The following SNX29 variants were observed in gnomAD, a reference collection of about 807,000 sequenced individuals.
SNX29 encodes sorting nexin 29, also known as sorting nexin-29.
A neutral mutation model predicts 102.1 loss-of-function variants in SNX29; 78 were observed. That is an observed-to-expected ratio of 0.76 (90% CI 0.64 to 0.92). SNX29 has a LOEUF of 0.92. Among genes scored for constraint, SNX29 ranks in the 40% least tolerant of loss-of-function variants. SNX29 has a pLI of 0.00. For synonymous variants in SNX29, 580 were observed against 414.5 expected, an observed-to-expected ratio of 1.40 and a Z score of -4.85; for missense variants, 1,280 against 1,061.7, an observed-to-expected ratio of 1.21 and a Z score of -2.86.
intron 20 of SNX29, among the ~76,000 whole-genome samples, chr16:12,563,505 C>G (rs2078847967): frequency 6.6e-6 from 1 of 152,186 alleles, no homozygotes. Flanking sequence ...AACGGGGAGA[C>G]TCCTCCCCGC....
intron 15 of SNX29, among the ~76,000 whole-genome samples, chr16:12,327,545 C>T (rs531368450): frequency 5.9e-5 from 9 of 152,206 alleles, no homozygotes; most frequent in Admixed American, 2.6e-4. Flanking sequence ...GATTAACAGT[C>T]GTGTTGGGTT....
At chr16:12,568,148 T>G (rs1598123634) in intron 20 of SNX29, among the ~76,000 whole-genome samples, 1 of 152,156 alleles carries the variant, frequency 6.6e-6, no homozygotes, top group Non-Finnish European at 1.5e-5. Flanking sequence ...TGCCTTGGAC[T>G]TAGAAGCGTA....
chr16:12,483,779 T>C (rs983327740), intron 19 of SNX29, among the ~76,000 whole-genome samples: 4 of 152,214 alleles, frequency 2.6e-5, no homozygotes, highest in Non-Finnish European at 5.9e-5. Flanking sequence ...TCCAGGCTGC[T>C]GGAGGCTCCA....
intron 11 of SNX29, among the ~76,000 whole-genome samples, chr16:12,122,082 C>T (rs1254764789): frequency 6.6e-6 from 1 of 152,192 alleles, no homozygotes; most frequent in African/African-American, 2.4e-5. Flanking sequence ...TCCCAAAGTG[C>T]TGGCATCACA....
chr16:12,143,159 G>A (rs879564719), intron 13 of SNX29, among the ~76,000 whole-genome samples: 6 of 151,892 alleles, frequency 4.0e-5, no homozygotes, highest in Non-Finnish European at 7.4e-5. Flanking sequence ...CACCATGCCC[G>A]GCTAATTTTT....
intron 14 of SNX29, among the ~76,000 whole-genome samples, chr16:12,254,525 CA>C (rs960426962): frequency 2.0e-5 from 3 of 152,136 alleles, no homozygotes; most frequent in African/African-American, 4.8e-5. Context: ...CCTGTAATCC[CA>C]GCTACTCGGG....
At chr16:12,023,704 C>T (rs2057099969) in intron 3 of SNX29, among the ~76,000 whole-genome samples, 1 of 152,094 alleles carries the variant, frequency 6.6e-6, no homozygotes, top group African/African-American at 2.4e-5. Flanking sequence ...TAATTAACTT[C>T]CCATATAAGA....
At chr16:12,063,021 A>C (rs752675929) in intron 9 of SNX29, among the ~76,000 whole-genome samples, 1 of 152,214 alleles carries the variant, frequency 6.6e-6, no homozygotes, top group Non-Finnish European at 1.5e-5. Flanking sequence ...GACAGTGACA[A>C]TGAGAGCCAG....
At chr16:12,317,548 A>G (rs1290501211) in intron 15 of SNX29, among the ~76,000 whole-genome samples, 3 of 152,174 alleles carry the variant, frequency 2.0e-5, no homozygotes, top group Non-Finnish European at 4.4e-5. Context: ...CTGCTTGTAA[A>G]GCCATAAAGA....
intron 16 of SNX29, among the ~76,000 whole-genome samples, chr16:12,397,714 C>T (rs2083771249): frequency 6.6e-6 from 1 of 152,170 alleles, no homozygotes; most frequent in Non-Finnish European, 1.5e-5. Flanking sequence ...ATTTTGTTGT[C>T]TGCTTTACAT....
At chr16:12,557,080 C>G (rs528860946) in intron 20 of SNX29, among the ~76,000 whole-genome samples, 1 of 149,466 alleles carries the variant, frequency 6.7e-6, no homozygotes, top group South Asian at 2.2e-4. Flanking sequence ...GTCTGCCAGG[C>G]TCAAGCCATC....
At position 12,559,047 on chromosome 16, in the gene SNX29, G is replaced by C. The variant is rs149363448; in HGVS notation, c.2319-9459G>C. Among the ~76,000 whole-genome samples, 980 of 152,238 alleles carry C rather than the reference G, an allele frequency of 6.4e-3. 13 individuals are homozygous for C. The highest frequency in any genetic ancestry group is 0.023 in the African/African-American group (942 of 41,514). On this transcript the variant is annotated intron_variant, in intron 20 of 20. Transcript: ENST00000566228. ...CTCCTTTTAAGTAAATTCACACATC[G>C]TAACTGCAATGTAGAGGTCTACCGC...
chr16:12,570,270 G>C lies in SNX29; in HGVS notation c.*1641G>C. The C allele has an allele frequency of 3.8e-6, 4 of 1,064,764 alleles. No individual in the cohort carries two copies. The highest frequency in any genetic ancestry group is 5.0e-5 in the East Asian group (1 of 20,062). The allele number at this position is 1,064,764 out of a possible 1,614,324, so 66.0% of individuals were successfully genotyped here. On this transcript the variant is annotated 3_prime_UTR_variant, in exon 21 of 21. Transcript: ENST00000566228. ...TGAGCTGGAGCATGTATGGAGGTGC[G>C]GACCCTGCAGTCAGTTTGCGAGTGT...
rs375500698 is a variant in SNX29 at position 12,572,917 on chromosome 16, G to A, written c.*4288G>A. The A allele has an allele frequency of 3.9e-5, 38 of 983,924 alleles. No homozygotes were observed. The South Asian group carries it at 8.4e-4, about 22-fold the overall frequency. The allele number at this position is 983,924 out of a possible 1,614,324, so 60.9% of individuals were successfully genotyped here. A position where few individuals can be genotyped will look rare whatever the true frequency, so the allele number is the denominator to read the frequency against. ...TTTCGCTCGGAATCACGGCAGACTT[G>A]GAGTGTTTCTTCAAGGCAGGCATCT... On this transcript the variant is annotated 3_prime_UTR_variant, in exon 21 of 21. Coordinates refer to ENST00000566228, the MANE Select transcript of SNX29 (RefSeq NM_032167.5).
At chr16:12,454,733 T>A (rs2086460052) in intron 18 of SNX29, among the ~76,000 whole-genome samples, 1 of 152,098 alleles carries the variant, frequency 6.6e-6, no homozygotes, top group Non-Finnish European at 1.5e-5. Flanking sequence ...TTATTTTTAT[T>A]TTTTGAGATG....
At chr16:12,118,687 C>G (rs1029793844) in intron 11 of SNX29, among the ~76,000 whole-genome samples, 4 of 152,088 alleles carry the variant, frequency 2.6e-5, no homozygotes, top group Non-Finnish European at 5.9e-5. Context: ...TTAAGAGACA[C>G]CCTCGACCCT....
chr16:12,239,839 A>C (rs923475551), intron 14 of SNX29, among the ~76,000 whole-genome samples: 1 of 151,962 alleles, frequency 6.6e-6, no homozygotes, highest in African/African-American at 2.4e-5. Context: ...AATCCTGATT[A>C]TAAAGAAATA....
At chr16:12,089,884 C>T in intron 11 of SNX29, 1 of 354,262 alleles carries the variant, frequency 2.8e-6, no homozygotes, top group Admixed American at 4.1e-5. Flanking sequence ...ACAGGCAGTG[C>T]TGAGGGCTCC....
chr16:12,023,822 C>T (rs1189688721), intron 3 of SNX29, among the ~76,000 whole-genome samples: 2 of 152,140 alleles, frequency 1.3e-5, no homozygotes, highest in African/African-American at 2.4e-5. Context: ...CAGGTGTGCT[C>T]TACTTGATTC....
Sources: gnomAD v4.1 joint callset for allele counts (sites outside exome capture counted in the v4.1 genomes callset) on GRCh38, gnomAD v4.1.1 for gene constraint, MANE v1.5 for transcripts, NCBI Gene and HGNC (gene_info 2026-07-23, HGNC 2026-07-21) for gene names.